The following KNDC1 variants were observed in gnomAD, a reference collection of about 807,000 sequenced individuals.
KNDC1 encodes kinase non-catalytic C-lobe domain-containing protein 1.
A neutral mutation model predicts 172.8 loss-of-function variants in KNDC1; 106 were observed. That is an observed-to-expected ratio of 0.61 (90% CI 0.52 to 0.72). KNDC1 has a LOEUF of 0.72. KNDC1 is among the 30% of genes least tolerant of loss of function. The probability of loss-of-function intolerance (pLI) is 0.00; values close to 1 mark genes in which losing one functional copy is unlikely to be tolerated. For missense variants in KNDC1, 2,325 were observed against 2,394.5 expected (o/e 0.97, Z 0.61); for synonymous variants, 1,083 against 1,062.2 (o/e 1.02, Z -0.38).
At chr10:133,222,139 C>T (rs1009067262) in intron 29 of KNDC1, among the ~76,000 whole-genome samples, 1 of 150,312 alleles carries the variant, frequency 6.7e-6, no homozygotes, top group African/African-American at 2.4e-5. Flanking sequence ...AAAAATTAGC[C>T]GGGCGCGGTG....
chr10:133,213,264 G>C (rs1285135431), intron 24 of KNDC1, among the ~76,000 whole-genome samples: 1 of 152,196 alleles, frequency 6.6e-6, no homozygotes, highest in Non-Finnish European at 1.5e-5. Flanking sequence ...ACCGGAGCTG[G>C]GCCAACCCGG....
At position 133,189,632 on chromosome 10, in the gene KNDC1, G is replaced by GGACGGGGCTGTGCTC; in HGVS notation, c.1477_1491dup (p.Asp493_Leu497dup). 6.2e-7 allele frequency: 1 copy of GGACGGGGCTGTGCTC among 1,613,858 alleles called. No individual in the cohort carries two copies. Among genetic ancestry groups the GGACGGGGCTGTGCTC allele is most frequent in the South Asian group, 1.1e-5 (1 of 91,080 alleles). The stretch of plus-strand genomic sequence containing the variant: ...GTCTGGACTCCGTGCTGGTTGCTGA[G>GGACGGGGCTGTGCTC]GACGGGGCTGTGCTCTTCCAGCCAC... On this transcript the variant is annotated inframe_insertion, in exon 8 of 30. Transcript: ENST00000304613.
rs564146241 is a variant in KNDC1 at position 133,200,913 on chromosome 10, G to A, written c.2989+453G>A. On this transcript the variant is annotated intron_variant, in intron 16 of 29. Coordinates refer to ENST00000304613, the MANE Select transcript of KNDC1 (RefSeq NM_152643.8). ...GGCACATGAGTGCCAGGCTGGGGAC[G>A]TCCCAGCGTCCAGCCAGCAGGCTTG... Among the ~76,000 whole-genome samples the A allele has an allele frequency of 6.6e-5, 10 of 152,326 alleles. No individual in the cohort carries two copies. The East Asian group carries it at 9.7e-4, about 15-fold the overall frequency.
At chr10:133,175,889 A>T (rs371794947) in intron 3 of KNDC1, among the ~76,000 whole-genome samples, 44 of 126,380 alleles carry the variant, frequency 3.5e-4, no homozygotes, top group African/African-American at 1.3e-3. Context: ...TGGGTGGGTG[A>T]ATGGATGGGT....
At chr10:133,165,962 A>G (rs1240112599) in intron 1 of KNDC1, among the ~76,000 whole-genome samples, 1 of 152,188 alleles carries the variant, frequency 6.6e-6, no homozygotes, top group Non-Finnish European at 1.5e-5. Context: ...GATGGACGGG[A>G]TGTGCCAGGA....
chr10:133,169,554 T>TTA, intron 3 of KNDC1, among the ~76,000 whole-genome samples: 1 of 152,194 alleles, frequency 6.6e-6, no homozygotes, highest in Non-Finnish European at 1.5e-5. Context: ...CCCTGGGAGG[T>TTA]GGGCAGGGTG....
chr10:133,178,183 A>G (rs1468475867), intron 3 of KNDC1, among the ~76,000 whole-genome samples: 1 of 148,850 alleles, frequency 6.7e-6, no homozygotes, highest in African/African-American at 2.5e-5. Flanking sequence ...TGTAGCATGC[A>G]TGTGTGTGCA....
At chr10:133,188,257 G>A (rs1256008572) in intron 6 of KNDC1, among the ~76,000 whole-genome samples, 1 of 152,180 alleles carries the variant, frequency 6.6e-6, no homozygotes, top group African/African-American at 2.4e-5. Flanking sequence ...GCTGTCACCT[G>A]GGAGGTGTAT....
Position 133,225,389 on chromosome 10 carries a change from G to A in KNDC1, c.*499G>A, listed in dbSNP as rs1243562037. 5.9e-6 allele frequency: 1 copy of A among 170,912 alleles called. No individual in the cohort carries two copies. Among genetic ancestry groups the A allele is most frequent in the Non-Finnish European group, 1.2e-5 (1 of 80,232 alleles). The allele number at this position is 170,912 out of a possible 1,614,324, so 10.6% of individuals were successfully genotyped here. The stretch of plus-strand genomic sequence containing the variant: ...TGAGTGGCCAACTGCAGCTCCCAGG[G>A]ACTCCGAGACCTCCGGTCCGAGACC... On this transcript the variant is annotated 3_prime_UTR_variant, in exon 30 of 30. Transcript: ENST00000304613.
At chr10:133,180,920 C>T (rs1009030380) in intron 3 of KNDC1, among the ~76,000 whole-genome samples, 9 of 152,348 alleles carry the variant, frequency 5.9e-5, no homozygotes, top group African/African-American at 1.9e-4. Context: ...TTGGCAAAGC[C>T]GCAGAGACTG....
chr10:133,180,407 C>T (rs937420197), intron 3 of KNDC1, among the ~76,000 whole-genome samples: 9 of 152,370 alleles, frequency 5.9e-5, no homozygotes, highest in Middle Eastern at 3.4e-3. Context: ...TGTGAGGCTC[C>T]GCGGCTGCAA....
chr10:133,211,961 G>C (rs1845376301), intron 23 of KNDC1, 103 bp downstream of exon 23: 1 of 1,139,388 alleles, frequency 8.8e-7, no homozygotes. Flanking sequence ...ATACACACAA[G>C]TGCAAATGGG....
At position 133,201,743 on chromosome 10, in the gene KNDC1, G is replaced by A; in HGVS notation, c.3232G>A (p.Ala1078Thr). Reference protein sequence around the residue: ...RLARSKGVGPALSPGPAGFQS... With the variant: ...RLARSKGVGPTLSPGPAGFQS... Reference sequence around the variant, plus strand: ...GGCCAGGTCCAAAGGGGTCGGCCCAGCCTTGTCCCCCGGCCCAGCCGGATT... The same window carrying A: ...GGCCAGGTCCAAAGGGGTCGGCCCAACCTTGTCCCCCGGCCCAGCCGGATT... Residue 1078 changes from alanine to threonine, a missense_variant, in exon 17 of 30, where the codon GCC becomes ACC. Coordinates refer to ENST00000304613, the MANE Select transcript of KNDC1 (RefSeq NM_152643.8). 6.3e-7 allele frequency: 1 copy of A among 1,583,112 alleles called. No individual in the cohort carries two copies. The highest frequency in any genetic ancestry group is 8.6e-7 in the Non-Finnish European group (1 of 1,164,212).
At chr10:133,167,136 C>T (rs1853189114) in intron 1 of KNDC1, 2 of 551,494 alleles carry the variant, frequency 3.6e-6, no homozygotes, top group South Asian at 2.2e-5. Flanking sequence ...GCCCAGGCTC[C>T]AGGAGCCGAC....
At chr10:133,182,882 G>A (rs61863461) in intron 3 of KNDC1, among the ~76,000 whole-genome samples, 8,494 of 150,142 alleles carry the variant, frequency 0.057, 281 homozygotes, top group Middle Eastern at 0.14. Flanking sequence ...GGGCGCAGGC[G>A]GCAAGGGCAT....
At chr10:133,176,392 G>A (rs1266714029) in intron 3 of KNDC1, among the ~76,000 whole-genome samples, 3 of 152,080 alleles carry the variant, frequency 2.0e-5, no homozygotes, top group African/African-American at 4.8e-5. Flanking sequence ...CTGGCTTTCC[G>A]TGTGGTATGG....
chr10:133,206,756 A>G lies in KNDC1; in HGVS notation c.3459A>G (p.Leu1153=), dbSNP rs571154248. 1 of 1,614,088 alleles carries G rather than the reference A, an allele frequency of 6.2e-7. No homozygotes were observed. The highest frequency in any genetic ancestry group is 2.2e-5 in the East Asian group (1 of 44,878). ...RKTLKFYQKL[L]QKEKRNKGSD... is the part of the protein sequence containing the mutation. ...CCCTGAAGTTCTACCAGAAACTCTT[A>G]CAGAAGGAAAAGAGGAACAAAGGTA... is the stretch of plus-strand genomic sequence containing the variant. The change falls in exon 18 of 30, where the codon TTA becomes TTG. Residue 1153 remains leucine (L), a synonymous_variant. Coordinates refer to ENST00000304613, the MANE Select transcript of KNDC1 (RefSeq NM_152643.8).
rs913397379 is a variant in KNDC1 at position 133,208,590 on chromosome 10, C to T, written c.3794+1239C>T. Among the ~76,000 whole-genome samples, 3 of 152,088 alleles carry T rather than the reference C, an allele frequency of 2.0e-5. 1 individual carries two copies. On this transcript the variant is annotated intron_variant, in intron 20 of 29. Transcript: ENST00000304613. ...CTAGAGAGGGACGTGGCCCCACCTC[C>T]GACCCCGTTCTCCCAAGGTGAGCTG...
intron 7 of KNDC1, among the ~76,000 whole-genome samples, chr10:133,189,329 C>G (rs575885522): frequency 6.6e-6 from 1 of 152,184 alleles, no homozygotes; most frequent in Non-Finnish European, 1.5e-5. Flanking sequence ...TTCTCCCTGC[C>G]GCTTGGCTCC....
Sources: allele counts gnomAD v4.1 joint callset (sites outside exome capture counted in the v4.1 genomes callset), GRCh38; gene constraint gnomAD v4.1.1; transcripts MANE v1.5; gene names NCBI Gene and HGNC (gene_info 2026-07-23, HGNC 2026-07-21).